LRPPRC: variants seen among roughly 807,000 people sequenced by gnomAD.
LRPPRC encodes leucine rich pentatricopeptide repeat containing, also known as leucine-rich PPR motif-containing protein, mitochondrial.
In LRPPRC, 120 loss-of-function variants were observed where a neutral mutation model predicts 180.3. That is an observed-to-expected ratio of 0.67 (90% confidence interval 0.57 to 0.77). The LOEUF (loss-of-function observed/expected upper bound fraction) is 0.77, where lower values mean the gene tolerates loss of function less well. Ranked by LOEUF, LRPPRC falls within the 30% of genes least tolerant of loss-of-function variation. The probability of loss-of-function intolerance (pLI) is 0.00; values close to 1 mark genes in which losing one functional copy is unlikely to be tolerated. For missense variants in LRPPRC, 2,012 were observed against 1,657.2 expected (o/e 1.21, Z -3.72); for synonymous variants, 723 against 600.0 (o/e 1.21, Z -3.00).
chr2:43,944,894 T>C (rs1421294564), intron 22 of LRPPRC, among the ~76,000 whole-genome samples: 1 of 152,104 alleles, frequency 6.6e-6, no homozygotes, highest in Non-Finnish European at 1.5e-5. Flanking sequence ...ATTTTGTTAA[T>C]GTTATTAAAA....
intron 23 of LRPPRC, among the ~76,000 whole-genome samples, chr2:43,942,921 T>C (rs1007073408): frequency 1.3e-5 from 2 of 152,112 alleles, no homozygotes; most frequent in African/African-American, 4.8e-5. Context: ...CTATTTTTGT[T>C]TGCCTAGGGT....
In LRPPRC at chr2:43,918,011, C is replaced by T. The variant is rs555356354; in HGVS notation, c.3148+14G>A. On this transcript the variant is annotated intron_variant, in intron 29 of 37. Coordinates refer to ENST00000260665, the MANE Select transcript of LRPPRC (RefSeq NM_133259.4). Reference sequence around the variant, plus strand: ...CACCCCCCCACACACACCCCCATCCCCGTATGTGCTTGCCTTTTTTTTGGT... The same window carrying T: ...CACCCCCCCACACACACCCCCATCCTCGTATGTGCTTGCCTTTTTTTTGGT... 1.9e-6 allele frequency: 3 copies of T among 1,579,024 alleles called. No homozygotes were observed. The highest frequency in any genetic ancestry group is 2.6e-6 in the Non-Finnish European group (3 of 1,148,952).
intron 15 of LRPPRC, 145 bp downstream of exon 15, chr2:43,950,428 C>T (rs2103624052): frequency 4.2e-6 from 3 of 714,586 alleles, no homozygotes; most frequent in Non-Finnish European, 5.1e-6. Flanking sequence ...ACACACATAA[C>T]TATTATTTTT....
At position 43,889,896 on chromosome 2, in the gene LRPPRC, A is replaced by G. The variant is rs1207865629; in HGVS notation, c.3986-20T>C. On this transcript the variant is annotated intron_variant, in intron 36 of 37. Transcript: ENST00000260665. The stretch of plus-strand genomic sequence containing the variant: ...CTGAGACTGACATAAAGAAAAAAAT[A>G]TATTAATCAGAGATAAAGACAACCT... The G allele has an allele frequency of 6.3e-7, 1 of 1,576,820 alleles. No individual in the cohort carries two copies. The highest frequency in any genetic ancestry group is 1.3e-5 in the African/African-American group (1 of 74,410).
At position 43,947,736 on chromosome 2, in the gene LRPPRC, G is replaced by C. The variant is rs753987445; in HGVS notation, c.1960C>G (p.Gln654Glu). Residue 654 changes from glutamine to glutamate, a missense_variant, in exon 19 of 38, where the codon CAA becomes GAA. Physicochemically the swap from Gln to Glu is conservative, Grantham distance 29. Coordinates refer to ENST00000260665, the MANE Select transcript of LRPPRC (RefSeq NM_133259.4). ...CTAGTCAAAATCCTACTTACTTTTTGAAAGTCTAAATTCTTACTCTCAACC... is the reference window on the plus strand; with the variant it reads ...CTAGTCAAAATCCTACTTACTTTTTCAAAGTCTAAATTCTTACTCTCAACC... Reference protein sequence around the residue: ...LLVESKNLDFQKTVQLTSSEL... With the variant: ...LLVESKNLDFEKTVQLTSSEL... 3 of 1,568,380 alleles carry C rather than the reference G, an allele frequency of 1.9e-6. No individual in the cohort carries two copies. The highest frequency in any genetic ancestry group is 1.1e-5 in the South Asian group (1 of 90,018).
At position 43,943,844 on chromosome 2, in the gene LRPPRC, C is replaced by G. The variant is rs759492837; in HGVS notation, c.2347G>C (p.Asp783His). The G allele has an allele frequency of 1.2e-6, 2 of 1,613,282 alleles. No homozygotes were observed. The highest frequency in any genetic ancestry group is 2.2e-5 in the South Asian group (2 of 91,068). Residue 783 changes from aspartate to histidine, a missense_variant, in exon 23 of 38, where the codon GAT (aspartate) becomes CAT (histidine). Coordinates refer to ENST00000260665, the MANE Select transcript of LRPPRC (RefSeq NM_133259.4). ...EMKEKDVLIKDTTALSFFHML... is the reference protein window; with the variant it reads ...EMKEKDVLIKHTTALSFFHML... ...TGGAAAAAGGACAAGGCTGTTGTAT[C>G]TTTGATAAGAACATCCTTCTCTTTC... is the stretch of plus-strand genomic sequence containing the variant.
Position 43,967,644 on chromosome 2 carries a change from G to C in LRPPRC, c.1370-3938C>G, listed in dbSNP as rs72879131. ...AGGAGGCAAAGGTTACAGTGAGCCAGTATCACGCCACTACACTCCAGCCTG... is the reference window on the plus strand; with the variant it reads ...AGGAGGCAAAGGTTACAGTGAGCCACTATCACGCCACTACACTCCAGCCTG... On this transcript the variant is annotated intron_variant, in intron 11 of 37. Coordinates refer to ENST00000260665, the MANE Select transcript of LRPPRC (RefSeq NM_133259.4). Among the ~76,000 whole-genome samples the C allele has an allele frequency of 5.2e-3, 791 of 152,096 alleles. 9 individuals are homozygous for C. Among genetic ancestry groups the C allele is most frequent in the African/African-American group, 0.016 (683 of 41,488 alleles).
chr2:43,954,081 T>G (rs1271143735), intron 14 of LRPPRC, among the ~76,000 whole-genome samples: 1 of 152,216 alleles, frequency 6.6e-6, no homozygotes, highest in African/African-American at 2.4e-5. Context: ...CTATCTCCCC[T>G]ACATCTCTGT....
chr2:43,948,475 A>C lies in LRPPRC; in HGVS notation c.1779T>G (p.Ser593Arg). Residue 593 changes from serine to arginine, a missense_variant, in exon 17 of 38, where the codon AGT becomes AGG. By Grantham distance (110) the Ser-to-Arg change is moderately radical. Coordinates refer to ENST00000260665, the MANE Select transcript of LRPPRC (RefSeq NM_133259.4). ...CCTCCTTGGCCTGTACCTCTGAGTC[A>C]CTCATGCTGTCAATCAAGTTATAAA... ...YFLYNLIDSM[S>R]DSEVQAKEEH... The C allele has an allele frequency of 6.2e-7, 1 of 1,612,256 alleles. No homozygotes were observed.
At chr2:43,920,507 T>G (rs564364532) in intron 27 of LRPPRC, among the ~76,000 whole-genome samples, 2 of 152,152 alleles carry the variant, frequency 1.3e-5, no homozygotes, top group East Asian at 3.9e-4. Context: ...AAGTGCAGAG[T>G]GATTTTATAC....
Position 43,888,584 on chromosome 2 carries a change from G to C in LRPPRC, c.*16C>G. ...GAATCACAAATATATACAAAACAAA[G>C]TATCGCCTGGTTATTTCAAGAAGAG... On this transcript the variant is annotated 3_prime_UTR_variant, in exon 38 of 38. Coordinates refer to ENST00000260665, the MANE Select transcript of LRPPRC (RefSeq NM_133259.4). The C allele has an allele frequency of 6.7e-7, 1 of 1,489,264 alleles. No individual in the cohort carries two copies. Among genetic ancestry groups the C allele is most frequent in the East Asian group, 2.3e-5 (1 of 44,248 alleles). 92.3% of individuals were successfully genotyped at this position (1,489,264 alleles called of 1,614,324 possible). A position where few individuals can be genotyped will look rare whatever the true frequency, so the allele number is the denominator to read the frequency against.
intron 14 of LRPPRC, among the ~76,000 whole-genome samples, chr2:43,957,047 A>G (rs142582586): frequency 9.8e-5 from 15 of 152,346 alleles, no homozygotes; most frequent in Non-Finnish European, 1.6e-4. Context: ...ACTTTACTGA[A>G]TAAAAGTCAC....
chr2:43,949,703 C>T (rs1672826051), intron 15 of LRPPRC, 44 bp from the exon 16 acceptor site: 1 of 1,198,724 alleles, frequency 8.3e-7, no homozygotes, highest in South Asian at 1.2e-5. Context: ...GAGAAGCAAA[C>T]AAGAACAAAC....
intron 31 of LRPPRC, 49 bp downstream of exon 31, chr2:43,905,643 A>C (rs375758936): frequency 4.5e-5 from 60 of 1,341,098 alleles, no homozygotes; most frequent in Non-Finnish European, 6.3e-5. Context: ...TTACAAGAAA[A>C]ATCTGCAGAG....
At chr2:43,968,852 G>T (rs561111692) in intron 11 of LRPPRC, among the ~76,000 whole-genome samples, 1 of 152,154 alleles carries the variant, frequency 6.6e-6, no homozygotes, top group African/African-American at 2.4e-5. Flanking sequence ...ATTGGTAAAA[G>T]AACAGATTCT....
intron 23 of LRPPRC, among the ~76,000 whole-genome samples, chr2:43,940,213 G>A (rs1384239805): frequency 6.6e-6 from 1 of 152,306 alleles, no homozygotes. Context: ...TGGAGTAAAA[G>A]AGCCAAACCT....
intron 1 of LRPPRC, among the ~76,000 whole-genome samples, chr2:43,989,404 A>C (rs1313582911): frequency 6.6e-6 from 1 of 152,126 alleles, no homozygotes; most frequent in East Asian, 1.9e-4. Flanking sequence ...CTCCAGTCAA[A>C]TGGGATGTCT....
intron 7 of LRPPRC, 73 bp downstream of exon 7, chr2:43,975,018 C>CT: frequency 6.8e-7 from 1 of 1,480,558 alleles, no homozygotes; most frequent in South Asian, 1.1e-5. Flanking sequence ...CTTCACTTTC[C>CT]TGCCTCATGT....
At chr2:43,989,078 GC>G (rs1674659972) in intron 1 of LRPPRC, among the ~76,000 whole-genome samples, 2 of 151,970 alleles carry the variant, frequency 1.3e-5, no homozygotes, top group African/African-American at 4.8e-5. Context: ...TCACTATGTT[GC>G]CCAGGCTGGT....
Sources: gnomAD v4.1 joint callset for allele counts (sites outside exome capture counted in the v4.1 genomes callset) on GRCh38, gnomAD v4.1.1 for gene constraint, MANE v1.5 for transcripts, NCBI Gene and HGNC (gene_info 2026-07-23, HGNC 2026-07-21) for gene names.